Variants in HDAC1 observed in about 807,000 individuals in gnomAD.
The protein encoded by HDAC1 is histone deacetylase 1.
A neutral mutation model predicts 65.5 loss-of-function variants in HDAC1; 18 were observed. That is an observed-to-expected ratio of 0.27 (90% CI 0.19 to 0.41). HDAC1 has a LOEUF of 0.41. Ranked by LOEUF, HDAC1 falls within the 10% of genes least tolerant of loss-of-function variation. HDAC1 has a pLI of 1.00. For synonymous variants in HDAC1, 211 were observed against 227.9 expected (o/e 0.93, Z 0.67); for missense variants, 373 against 625.2 (o/e 0.60, Z 4.30).
chr1:32,317,682 T>C (rs945630561), intron 3 of HDAC1, among the ~76,000 whole-genome samples: 7 of 152,138 alleles, frequency 4.6e-5, no homozygotes, highest in Non-Finnish European at 8.8e-5. Context: ...ATTAAGCTTC[T>C]TTGCTACCGA....
At chr1:32,296,855 TGAG>T (rs1268957920) in intron 1 of HDAC1, among the ~76,000 whole-genome samples, 1 of 152,168 alleles carries the variant, frequency 6.6e-6, no homozygotes, top group African/African-American at 2.4e-5. Context: ...TGGAGCTTCC[TGAG>T]GAGACCAGGG....
In HDAC1 at chr1:32,327,520, C is replaced by G. The variant is rs1281108909; in HGVS notation, c.495-16C>G. ...CCCAAAGAGCCCCCAGACCCCTGAC[C>G]CCCTTCTGATCCTAGGTATCACCAG... On this transcript the variant is annotated splice_polypyrimidine_tract_variant and intron_variant, in intron 5 of 13. Transcript: ENST00000373548. The surrounding 1 kb of genome is among the most constrained non-coding windows in gnomAD (Gnocchi z 6.0). 1.2e-6 allele frequency: 2 copies of G among 1,609,196 alleles called. No homozygotes were observed. Among genetic ancestry groups the G allele is most frequent in the Admixed American group, 1.7e-5 (1 of 59,988 alleles).
intron 3 of HDAC1, among the ~76,000 whole-genome samples, chr1:32,317,075 T>C (rs1641075159): frequency 6.6e-6 from 1 of 152,190 alleles, no homozygotes; most frequent in African/African-American, 2.4e-5. Flanking sequence ...ATAGATACAG[T>C]AAAATTTAAC....
chr1:32,299,451 G>T (rs1640815792), intron 1 of HDAC1, among the ~76,000 whole-genome samples: 3 of 152,062 alleles, frequency 2.0e-5, no homozygotes, highest in Admixed American at 2.0e-4. Context: ...AGAAAAGGAT[G>T]CTGTCTCAGA....
Position 32,292,132 on chromosome 1 carries a change from G to T in HDAC1, c.-38G>T. On this transcript the variant is annotated 5_prime_UTR_variant, in exon 1 of 14. Coordinates refer to ENST00000373548, the MANE Select transcript of HDAC1 (RefSeq NM_004964.3). Reference sequence around the variant, plus strand: ...GAGCGGAGCCGCGGGCGGGAGGGCGGACGGACCGACTGACGGTAGGGACGG... The same window carrying T: ...GAGCGGAGCCGCGGGCGGGAGGGCGTACGGACCGACTGACGGTAGGGACGG... 1 of 1,545,710 alleles carries T rather than the reference G, an allele frequency of 6.5e-7. No homozygotes were observed. Among genetic ancestry groups the T allele is most frequent in the South Asian group, 1.2e-5 (1 of 83,912 alleles).
At chr1:32,316,432 C>G (rs1014652597) in intron 2 of HDAC1, among the ~76,000 whole-genome samples, 5 of 152,200 alleles carry the variant, frequency 3.3e-5, no homozygotes, top group African/African-American at 1.2e-4. Context: ...AGTAACTTGC[C>G]TAAGCAACAG....
At chr1:32,316,845 A>G (rs1641072160) in intron 3 of HDAC1, 63 bp downstream of exon 3, 2 of 1,019,974 alleles carry the variant, frequency 2.0e-6, no homozygotes, top group African/African-American at 1.6e-5. Context: ...TCCACTGTAG[A>G]GGCCCATTCT....
rs1469325893 is a variant in HDAC1 at position 32,322,494 on chromosome 1, C to T, written c.281-1985C>T. Among the ~76,000 whole-genome samples the T allele has an allele frequency of 3.3e-5, 5 of 152,224 alleles. 1 individual carries two copies. Among genetic ancestry groups the T allele is most frequent in the Admixed American group, 1.3e-4 (2 of 15,286 alleles). ...ATGTTGGCCAGGCTAGTCTTGAACT[C>T]GTGACCTCAAGTGATCCACCTGCCT... On this transcript the variant is annotated intron_variant, in intron 3 of 13. Transcript: ENST00000373548.
At chr1:32,295,485 C>T (rs2124394638) in intron 1 of HDAC1, among the ~76,000 whole-genome samples, 1 of 152,178 alleles carries the variant, frequency 6.6e-6, no homozygotes, top group Non-Finnish European at 1.5e-5. Flanking sequence ...ATCAGGGTGC[C>T]AGCATTTGGT....
chr1:32,300,287 T>C (rs1464250835), intron 1 of HDAC1, among the ~76,000 whole-genome samples: 2 of 152,054 alleles, frequency 1.3e-5, no homozygotes, highest in African/African-American at 4.8e-5. Flanking sequence ...ATGTAAATAA[T>C]TCAGATATAA....
In HDAC1 at chr1:32,333,065, C is replaced by A. The variant is rs777962693; in HGVS notation, c.*21C>A. The A allele has an allele frequency of 8.7e-6, 14 of 1,609,030 alleles. No individual in the cohort carries two copies. The Admixed American group carries it at 2.3e-4, about 27-fold the overall frequency. Reference sequence around the variant, plus strand: ...CCTGAATGGACCTCTCCAGCTCTGGCTTCCTGCTGAGTCCCTCACGTTTCT... The same window carrying A: ...CCTGAATGGACCTCTCCAGCTCTGGATTCCTGCTGAGTCCCTCACGTTTCT... On this transcript the variant is annotated 3_prime_UTR_variant, in exon 14 of 14. Transcript: ENST00000373548.
intron 2 of HDAC1, among the ~76,000 whole-genome samples, chr1:32,309,349 G>C (rs1053373554): frequency 6.6e-6 from 1 of 152,102 alleles, no homozygotes; most frequent in Admixed American, 6.6e-5. Context: ...CAGCTTTTTG[G>C]GGGAATTGGC....
rs544927793 is a variant in HDAC1 at position 32,292,131 on chromosome 1, G to T, written c.-39G>T. On this transcript the variant is annotated 5_prime_UTR_variant, in exon 1 of 14. Transcript: ENST00000373548. Reference sequence around the variant, plus strand: ...TGAGCGGAGCCGCGGGCGGGAGGGCGGACGGACCGACTGACGGTAGGGACG... The same window carrying T: ...TGAGCGGAGCCGCGGGCGGGAGGGCTGACGGACCGACTGACGGTAGGGACG... The T allele has an allele frequency of 1.9e-6, 3 of 1,544,834 alleles. No individual in the cohort carries two copies. The highest frequency in any genetic ancestry group is 4.9e-5 in the East Asian group (2 of 40,862).
chr1:32,324,284 T>C (rs934062872), intron 3 of HDAC1, among the ~76,000 whole-genome samples, 195 bp from the exon 4 acceptor site: 10 of 151,908 alleles, frequency 6.6e-5, no homozygotes, highest in South Asian at 4.2e-4. Context: ...CCCCTGGCTC[T>C]AAAAAATAAA....
rs1049605270 is a variant in HDAC1 at position 32,309,504 on chromosome 1, T to C, written c.162+6771T>C. On this transcript the variant is annotated intron_variant, in intron 2 of 13. Transcript: ENST00000373548. ...GAGTTCAAGACAAACCTGGCCAACA[T>C]GGTGAAACCCTCTCTCTACTAAAAA... Among the ~76,000 whole-genome samples the C allele has an allele frequency of 5.5e-4, 84 of 151,978 alleles. 2 individuals are homozygous for C. The highest frequency in any genetic ancestry group is 2.0e-3 in the African/African-American group (84 of 41,370).
chr1:32,327,728 ACT>A lies in HDAC1; in HGVS notation c.636+52_636+53del, dbSNP rs1292444915. Reference sequence around the variant, plus strand: ...CGGCTTACCCTCAGCTGGCAGCTCTACTTCTCTCTCCTATCTCATGCCACTAA... The same window carrying A: ...CGGCTTACCCTCAGCTGGCAGCTCTATCTCTCTCCTATCTCATGCCACTAA... On this transcript the variant is annotated intron_variant, in intron 6 of 13. Transcript: ENST00000373548. The surrounding 1 kb of genome is among the most constrained non-coding windows in gnomAD (Gnocchi z 6.0). 6.4e-7 allele frequency: 1 copy of A among 1,570,762 alleles called. No homozygotes were observed. The highest frequency in any genetic ancestry group is 2.2e-5 in the East Asian group (1 of 44,630).
At chr1:32,318,695 A>G (rs994178771) in intron 3 of HDAC1, among the ~76,000 whole-genome samples, 13 of 152,304 alleles carry the variant, frequency 8.5e-5, no homozygotes, top group African/African-American at 2.9e-4. Flanking sequence ...CACTTTTGCT[A>G]TTATGACTTA....
At position 32,292,582 on chromosome 1, in the gene HDAC1, C is replaced by G. The variant is rs147315427; in HGVS notation, c.49+364C>G. ...ATTTTCTTGCCGAGAACCCAAAGCT[C>G]TTCCCTGCCCCGTCCCTTCCTCATC... On this transcript the variant is annotated intron_variant, in intron 1 of 13. Transcript: ENST00000373548. 85 of 327,504 alleles carry G rather than the reference C, an allele frequency of 2.6e-4. No homozygotes were observed. In the South Asian group the frequency reaches 4.5e-3, roughly 17 times the overall value. 20.3% of individuals were successfully genotyped at this position (327,504 alleles called of 1,614,324 possible). A position where few individuals can be genotyped will look rare whatever the true frequency, so the allele number is the denominator to read the frequency against.
At chr1:32,308,077 T>G (rs890292733) in intron 2 of HDAC1, among the ~76,000 whole-genome samples, 1 of 152,206 alleles carries the variant, frequency 6.6e-6, no homozygotes, top group Admixed American at 6.5e-5. Flanking sequence ...CCCAGCACTT[T>G]GGGAGGCCAA....
Sources: gnomAD v4.1 joint callset for allele counts (sites outside exome capture counted in the v4.1 genomes callset) on GRCh38, gnomAD v4.1.1 for gene constraint, Gnocchi (gnomAD v3.1) non-coding constraint, MANE v1.5 for transcripts, NCBI Gene and HGNC (gene_info 2026-07-23, HGNC 2026-07-21) for gene names.